The following ASTN2 variants were observed in gnomAD, a reference collection of about 807,000 sequenced individuals.
ASTN2 encodes astrotactin-2.
Under a neutral mutation model 139.8 loss-of-function variants are expected in ASTN2, and 54 were observed. The ratio of observed to expected loss-of-function variants is 0.39; its 90% CI spans 0.31 to 0.48. The LOEUF is 0.48. Ranked by LOEUF, ASTN2 falls within the 20% of genes least tolerant of loss-of-function variation. The pLI is 0.95. For synonymous variants in ASTN2, 756 were observed against 719.5 expected, an observed-to-expected ratio of 1.05 and a Z score of -0.81; for missense variants, 1,565 against 1,725.1, an observed-to-expected ratio of 0.91 and a Z score of 1.64.
chr9:117,244,876 C>G (rs908171140), intron 2 of ASTN2, among the ~76,000 whole-genome samples: 3 of 151,996 alleles, frequency 2.0e-5, no homozygotes, highest in Non-Finnish European at 4.4e-5. Context: ...TCCAAGCTCT[C>G]CTATCATCAA....
rs1839337556 is a variant in ASTN2 at position 117,063,030 on chromosome 9, T to A, written c.1277-23065A>T. Among the ~76,000 whole-genome samples, 2 of 152,238 alleles carry A rather than the reference T, an allele frequency of 1.3e-5. 1 individual carries two copies. Among genetic ancestry groups the A allele is most frequent in the African/African-American group, 4.8e-5 (2 of 41,476 alleles). On this transcript the variant is annotated intron_variant, in intron 5 of 22. Transcript: ENST00000313400. ...TAGCCTCGGAAGCTAACCAACCTGT[T>A]GTATTCTCTTACTTCAAGTGCATTC... is the stretch of plus-strand genomic sequence containing the variant.
intron 3 of ASTN2, among the ~76,000 whole-genome samples, chr9:117,173,385 C>A (rs190288048): frequency 6.6e-6 from 1 of 152,028 alleles, no homozygotes; most frequent in African/African-American, 2.4e-5. Context: ...ATAAAAGTAA[C>A]AGGTAGTATC....
intron 10 of ASTN2, among the ~76,000 whole-genome samples, chr9:116,928,628 A>G (rs1834820656): frequency 6.6e-6 from 1 of 152,202 alleles, no homozygotes; most frequent in Non-Finnish European, 1.5e-5. Flanking sequence ...CAGAGAAATG[A>G]AGGGGAAGAA....
chr9:116,483,479 G>A (rs934558595), intron 20 of ASTN2, among the ~76,000 whole-genome samples: 1 of 152,114 alleles, frequency 6.6e-6, no homozygotes, highest in Non-Finnish European at 1.5e-5. Flanking sequence ...GGGTCAGAGA[G>A]AGGGAGAGAG....
In ASTN2 at chr9:116,528,722, T is replaced by A. The variant is rs535202289; in HGVS notation, c.3356-41222A>T. The stretch of plus-strand genomic sequence containing the variant: ...CAATAATGGTTTTCATGGCTGCTGC[T>A]CTATGCAGCCTTGGGACATGGCACC... On this transcript the variant is annotated intron_variant, in intron 19 of 22. Coordinates refer to ENST00000313400, the MANE Select transcript of ASTN2 (RefSeq NM_001365068.1). 5.9e-3 allele frequency among the ~76,000 whole-genome samples: 896 copies of A among 152,288 alleles called. 13 individuals carry two copies. Among genetic ancestry groups the A allele is most frequent in the African/African-American group, 0.021 (866 of 41,574 alleles).
intron 22 of ASTN2, among the ~76,000 whole-genome samples, chr9:116,434,889 C>A (rs1304276666): frequency 1.3e-5 from 2 of 152,142 alleles, no homozygotes; most frequent in Non-Finnish European, 2.9e-5. Flanking sequence ...AAGAGATGTC[C>A]TTTCGTCACT....
At chr9:117,127,672 G>GTTTTTTTTT (rs11427891) in intron 4 of ASTN2, among the ~76,000 whole-genome samples, 4 of 70,890 alleles carry the variant, frequency 5.6e-5, no homozygotes, top group Admixed American at 2.1e-4. Flanking sequence ...TTTTGTTTTG[G>GTTTTTTTTT]TTTTTTTTTT....
chr9:117,016,656 AACCTATATATATGTTACATATATATAGGT>A lies in ASTN2; in HGVS notation c.1424-8426_1424-8398del, dbSNP rs1564386081. Among the ~76,000 whole-genome samples the A allele has an allele frequency of 5.0e-3, 133 of 26,798 alleles. 4 individuals are homozygous for A. The highest frequency in any genetic ancestry group is 0.016 in the African/African-American group (129 of 7,966). 17.6% of individuals were successfully genotyped at this position (26,798 alleles called of 152,430 possible). ...TATATATATATATATATATATATAT[AACCTATATATATGTTACATATATATAGGT>A]TATATATATATGTTACATATATATA... On this transcript the variant is annotated intron_variant, in intron 6 of 22. Coordinates refer to ENST00000313400, the MANE Select transcript of ASTN2 (RefSeq NM_001365068.1).
intron 6 of ASTN2, among the ~76,000 whole-genome samples, chr9:117,015,234 G>A (rs1266437590): frequency 2.6e-5 from 4 of 152,022 alleles, no homozygotes. Flanking sequence ...GCCCAAGCTG[G>A]TCTCAAACTC....
At chr9:116,976,228 C>A in intron 8 of ASTN2, 40 bp from the exon 9 acceptor site, 4 of 1,571,840 alleles carry the variant, frequency 2.5e-6, no homozygotes, top group Non-Finnish European at 3.5e-6. Context: ...TGACATTAGT[C>A]AGAGGCAGGT....
At chr9:116,725,192 C>G (rs1828584977) in intron 16 of ASTN2, among the ~76,000 whole-genome samples, 1 of 152,106 alleles carries the variant, frequency 6.6e-6, no homozygotes, top group Non-Finnish European at 1.5e-5. Flanking sequence ...AGAGACTGGT[C>G]TCCAGCACCT....
At chr9:117,114,185 A>AAAAG (rs1829322059) in intron 4 of ASTN2, among the ~76,000 whole-genome samples, 1 of 151,656 alleles carries the variant, frequency 6.6e-6, no homozygotes, top group Non-Finnish European at 1.5e-5. Flanking sequence ...TTTTAAAAAA[A>AAAAG]AAGTCTATGG....
chr9:116,597,369 G>A (rs377297185), intron 19 of ASTN2, among the ~76,000 whole-genome samples: 2 of 141,938 alleles, frequency 1.4e-5, no homozygotes, highest in Admixed American at 7.4e-5. Flanking sequence ...GTGCAGTGGT[G>A]CGATCTTGGC....
intron 3 of ASTN2, among the ~76,000 whole-genome samples, chr9:117,200,819 T>C (rs551068004): frequency 2.6e-4 from 39 of 152,104 alleles, no homozygotes; most frequent in Non-Finnish European, 5.3e-4. Context: ...TGGCCTGAAG[T>C]TTTCTTTCTT....
At position 116,565,379 on chromosome 9, in the gene ASTN2, CTCTCTCTCCATATATA is replaced by C. The variant is rs1401282189; in HGVS notation, c.3355+52929_3355+52944del. 2.6e-3 allele frequency among the ~76,000 whole-genome samples: 91 copies of C among 34,386 alleles called. 3 individuals carry two copies. Among genetic ancestry groups the C allele is most frequent in the African/African-American group, 9.0e-3 (65 of 7,246 alleles). 22.6% of individuals were successfully genotyped at this position (34,386 alleles called of 152,430 possible). On this transcript the variant is annotated intron_variant, in intron 19 of 22. Transcript: ENST00000313400. ...TCTCTCTCTCTCTCTCTCTCTCTCTCTCTCTCTCCATATATATATATATATATATATATATATATAT... is the reference window on the plus strand; with the variant it reads ...TCTCTCTCTCTCTCTCTCTCTCTCTCTATATATATATATATATATATATAT...
At chr9:116,636,378 A>T (rs1480233903) in intron 17 of ASTN2, among the ~76,000 whole-genome samples, 1 of 152,302 alleles carries the variant, frequency 6.6e-6, no homozygotes, top group East Asian at 1.9e-4. Flanking sequence ...CCATACATTA[A>T]GATGTACTTA....
rs142870973 is a variant in ASTN2, at chr9:116,644,093, G to A, written c.3072+7435C>T. On this transcript the variant is annotated intron_variant, in intron 17 of 22. Coordinates refer to ENST00000313400, the MANE Select transcript of ASTN2 (RefSeq NM_001365068.1). ...GTAGTGATAGTAGTGGTGTAGCATA[G>A]TGGTGGCGGTAGTGGTCATGGTTGT... 8.0e-3 allele frequency among the ~76,000 whole-genome samples: 1,217 copies of A among 152,224 alleles called. 12 individuals carry two copies. Among genetic ancestry groups the A allele is most frequent in the African/African-American group, 0.024 (991 of 41,530 alleles).
At chr9:116,453,841 G>A (rs1007784045) in intron 20 of ASTN2, among the ~76,000 whole-genome samples, 1 of 152,258 alleles carries the variant, frequency 6.6e-6, no homozygotes, top group South Asian at 2.1e-4. Context: ...ATCATGCCAT[G>A]TTTGTGAGCT....
chr9:116,507,980 C>T (rs186623969), intron 19 of ASTN2, among the ~76,000 whole-genome samples: 402 of 152,280 alleles, frequency 2.6e-3, no homozygotes, highest in African/African-American at 9.4e-3. Flanking sequence ...CCTCCACCTC[C>T]TGGGTTCAGG....
Sources: gnomAD v4.1 joint callset for allele counts (sites outside exome capture counted in the v4.1 genomes callset) on GRCh38, gnomAD v4.1.1 for gene constraint, MANE v1.5 for transcripts, NCBI Gene and HGNC (gene_info 2026-07-23, HGNC 2026-07-21) for gene names.